The following AUTS2 variants were observed in gnomAD, a reference collection of about 807,000 sequenced individuals.
The protein encoded by AUTS2 is autism susceptibility gene 2 protein.
A neutral mutation model predicts 112.4 loss-of-function variants in AUTS2; 17 were observed. The observed-to-expected ratio is 0.15, with a 90% CI of 0.10 to 0.23. The LOEUF (loss-of-function observed/expected upper bound fraction) is 0.23. Ranked by LOEUF, AUTS2 falls within the 10% of genes least tolerant of loss-of-function variation. The probability of loss-of-function intolerance (pLI) is 1.00; values close to 1 mark genes in which losing one functional copy is unlikely to be tolerated. For synonymous variants in AUTS2, 751 were observed against 702.7 expected, an observed-to-expected ratio of 1.07 and a Z score of -1.09; for missense variants, 1,510 against 1,701.6, an observed-to-expected ratio of 0.89 and a Z score of 1.98.
chr7:70,132,338 G>C (rs997594919), intron 3 of AUTS2, among the ~76,000 whole-genome samples: 1 of 151,982 alleles, frequency 6.6e-6, no homozygotes, highest in Non-Finnish European at 1.5e-5. Flanking sequence ...GTGTGTGCCC[G>C]TGTCTAGGGG....
At chr7:70,245,726 C>A (rs1032904060) in intron 4 of AUTS2, among the ~76,000 whole-genome samples, 1 of 152,034 alleles carries the variant, frequency 6.6e-6, no homozygotes, top group Non-Finnish European at 1.5e-5. Context: ...TTATGTGTCT[C>A]CTGGCACATA....
At chr7:69,721,732 G>T (rs1212031856) in intron 1 of AUTS2, among the ~76,000 whole-genome samples, 1 of 152,192 alleles carries the variant, frequency 6.6e-6, no homozygotes, top group Non-Finnish European at 1.5e-5. Context: ...CACAGAACTG[G>T]ATCTTGAATG....
At chr7:70,607,252 T>C (rs556208679) in intron 5 of AUTS2, among the ~76,000 whole-genome samples, 2 of 152,272 alleles carry the variant, frequency 1.3e-5, no homozygotes, top group African/African-American at 4.8e-5. Context: ...AGTGTAGTCA[T>C]GGAATCCTCA....
chr7:69,784,130 G>A (rs1259639196), intron 1 of AUTS2, among the ~76,000 whole-genome samples: 1 of 152,178 alleles, frequency 6.6e-6, no homozygotes, highest in Non-Finnish European at 1.5e-5. Flanking sequence ...TGGAAACATG[G>A]AGGGCCTGGA....
At chr7:70,720,794 G>A (rs570083525) in intron 6 of AUTS2, among the ~76,000 whole-genome samples, 4 of 152,182 alleles carry the variant, frequency 2.6e-5, no homozygotes, top group Non-Finnish European at 4.4e-5. Flanking sequence ...GCTTTGTTAA[G>A]AGAAGCTTGT....
At chr7:70,429,949 G>A (rs187035644) in intron 4 of AUTS2, among the ~76,000 whole-genome samples, 55 of 152,240 alleles carry the variant, frequency 3.6e-4, no homozygotes, top group African/African-American at 1.3e-3. Context: ...GGTCTTCATA[G>A]GCCTTGTGAA....
chr7:70,743,468 CAAAAAAAA>C (rs35444664), intron 6 of AUTS2, among the ~76,000 whole-genome samples: 1 of 71,248 alleles, frequency 1.4e-5, no homozygotes, highest in Non-Finnish European at 2.5e-5. Flanking sequence ...GACTCTGTCT[CAAAAAAAA>C]AAAAAAAAAA....
intron 2 of AUTS2, among the ~76,000 whole-genome samples, chr7:70,019,129 G>A (rs866097731): frequency 6.6e-6 from 1 of 152,322 alleles, no homozygotes. Context: ...GATAGGAGCT[G>A]TAGGCTATTA....
At chr7:69,646,121 G>A (rs1042057981) in intron 1 of AUTS2, among the ~76,000 whole-genome samples, 1 of 152,000 alleles carries the variant, frequency 6.6e-6, no homozygotes, top group East Asian at 1.9e-4. Flanking sequence ...TTTGGAGGAG[G>A]GGGTAGGGAA....
intron 4 of AUTS2, among the ~76,000 whole-genome samples, chr7:70,413,138 T>C (rs1794845010): frequency 6.6e-6 from 1 of 152,244 alleles, no homozygotes; most frequent in Non-Finnish European, 1.5e-5. Context: ...GATTGACATA[T>C]CCAAGGAGTC....
intron 2 of AUTS2, among the ~76,000 whole-genome samples, chr7:69,933,013 T>G (rs1465453417): frequency 6.6e-6 from 1 of 152,224 alleles, no homozygotes; most frequent in African/African-American, 2.4e-5. Flanking sequence ...CAAGGATGGA[T>G]TTGGAAATGC....
At chr7:70,112,397 A>G (rs1805132065) in intron 2 of AUTS2, among the ~76,000 whole-genome samples, 1 of 152,016 alleles carries the variant, frequency 6.6e-6, no homozygotes, top group African/African-American at 2.4e-5. Context: ...AGTTGGTGGT[A>G]ATGTCCCATA....
chr7:70,601,058 AT>A (rs1239898596), intron 5 of AUTS2, among the ~76,000 whole-genome samples: 1 of 152,216 alleles, frequency 6.6e-6, no homozygotes, highest in East Asian at 1.9e-4. Context: ...GCTCAGTCAT[AT>A]GTTAACTCTA....
intron 4 of AUTS2, among the ~76,000 whole-genome samples, chr7:70,429,336 T>A (rs1007020866): frequency 2.0e-5 from 3 of 152,224 alleles, no homozygotes; most frequent in Non-Finnish European, 4.4e-5. Flanking sequence ...GAAAGACTGT[T>A]GTGGCAAACA....
intron 1 of AUTS2, among the ~76,000 whole-genome samples, chr7:69,892,807 T>G (rs1417891989): frequency 6.6e-6 from 1 of 152,234 alleles, no homozygotes; most frequent in Non-Finnish European, 1.5e-5. Flanking sequence ...GATTAAAATT[T>G]TGCATATGAT....
At chr7:70,117,691 C>G (rs1411231291) in intron 2 of AUTS2, among the ~76,000 whole-genome samples, 4 of 151,834 alleles carry the variant, frequency 2.6e-5, no homozygotes, top group Admixed American at 2.6e-4. Context: ...GGCAGCTTGC[C>G]TGGCAGTATT....
intron 4 of AUTS2, among the ~76,000 whole-genome samples, chr7:70,362,179 G>A (rs916298678): frequency 3.3e-5 from 5 of 152,100 alleles, no homozygotes; most frequent in African/African-American, 7.2e-5. Flanking sequence ...CATCAGATTG[G>A]GTGTTTACAT....
chr7:70,396,349 G>A (rs1055806088), intron 4 of AUTS2, among the ~76,000 whole-genome samples: 16 of 151,430 alleles, frequency 1.1e-4, no homozygotes, highest in African/African-American at 3.9e-4. Flanking sequence ...ACTTTTTTGT[G>A]CTCTCACATT....
intron 2 of AUTS2, among the ~76,000 whole-genome samples, chr7:70,085,986 A>G (rs1028618715): frequency 2.0e-5 from 3 of 152,188 alleles, no homozygotes; most frequent in Admixed American, 6.5e-5. Context: ...TAAAATATTT[A>G]CTGTCTGAAT....
Sources: gnomAD v4.1 joint callset for allele counts (sites outside exome capture counted in the v4.1 genomes callset) on GRCh38, gnomAD v4.1.1 for gene constraint, MANE v1.5 for transcripts, NCBI Gene and HGNC (gene_info 2026-07-23, HGNC 2026-07-21) for gene names.